ATXN1: variants seen among roughly 807,000 people sequenced by gnomAD.
ATXN1 encodes ataxin-1.
In ATXN1, 8 loss-of-function variants were observed where a neutral mutation model predicts 56.4. The observed-to-expected ratio is 0.14, with a 90% CI of 0.08 to 0.26. The LOEUF is 0.26. Among genes scored for constraint, ATXN1 ranks in the 10% least tolerant of loss-of-function variants. ATXN1 has a pLI of 1.00. For missense variants in ATXN1, 987 were observed against 1,106.5 expected (o/e 0.89, Z 1.53); for synonymous variants, 514 against 494.6 (o/e 1.04, Z -0.52).
At chr6:16,606,494 CGTTT>C (rs1213542813) in intron 3 of ATXN1, among the ~76,000 whole-genome samples, 5 of 148,880 alleles carry the variant, frequency 3.4e-5, no homozygotes, top group African/African-American at 1.2e-4. Flanking sequence ...TTTGTTTGTT[CGTTT>C]GTTTGTGGTT....
intron 2 of ATXN1, among the ~76,000 whole-genome samples, chr6:16,722,272 A>G (rs2113471211): frequency 6.6e-6 from 1 of 152,346 alleles, no homozygotes; most frequent in East Asian, 1.9e-4. Context: ...ATGACCTCCC[A>G]ATGCCAAGAA....
At chr6:16,571,302 C>T (rs1360220093) in intron 4 of ATXN1, among the ~76,000 whole-genome samples, 1 of 151,682 alleles carries the variant, frequency 6.6e-6, no homozygotes, top group Admixed American at 6.6e-5. Context: ...AAATATGTTC[C>T]CTATAAAAAA....
intron 6 of ATXN1, among the ~76,000 whole-genome samples, chr6:16,381,489 T>A (rs1404988789): frequency 6.6e-6 from 1 of 152,188 alleles, no homozygotes; most frequent in Non-Finnish European, 1.5e-5. Flanking sequence ...AGACACTCAA[T>A]GTCTGTTAAG....
intron 7 of ATXN1, among the ~76,000 whole-genome samples, chr6:16,318,428 A>G (rs948198903): frequency 2.0e-5 from 3 of 152,198 alleles, no homozygotes; most frequent in East Asian, 3.9e-4. Flanking sequence ...ACCTGTAGAG[A>G]AAGGCCGGTC....
chr6:16,564,696 G>C (rs1252915195), intron 4 of ATXN1, among the ~76,000 whole-genome samples: 3 of 152,184 alleles, frequency 2.0e-5, no homozygotes, highest in Non-Finnish European at 4.4e-5. Context: ...GTTGCCAGGA[G>C]CTGAGGGTAG....
At chr6:16,405,479 A>T (rs438258) in intron 6 of ATXN1, among the ~76,000 whole-genome samples, 47,786 of 152,144 alleles carry the variant, frequency 0.31, 7,835 homozygotes, top group East Asian at 0.49. Flanking sequence ...GATGGCAATG[A>T]TCTGTGCTAT....
At chr6:16,415,269 G>T (rs770971673) in intron 6 of ATXN1, among the ~76,000 whole-genome samples, 3 of 152,118 alleles carry the variant, frequency 2.0e-5, no homozygotes, top group African/African-American at 7.2e-5. Context: ...TCACTCTGTC[G>T]CCCAGACTGG....
intron 6 of ATXN1, among the ~76,000 whole-genome samples, chr6:16,363,304 G>T (rs1042156268): frequency 6.6e-6 from 1 of 152,222 alleles, no homozygotes; most frequent in African/African-American, 2.4e-5. Context: ...ATAGGTGCAT[G>T]CTAAGTATGT....
chr6:16,375,277 C>T (rs1762121342), intron 6 of ATXN1, among the ~76,000 whole-genome samples: 1 of 152,232 alleles, frequency 6.6e-6, no homozygotes, highest in Non-Finnish European at 1.5e-5. Flanking sequence ...TCACTGATTT[C>T]CATGACTAAG....
chr6:16,496,402 ATTCT>A (rs1298983653), intron 5 of ATXN1, among the ~76,000 whole-genome samples: 1 of 152,186 alleles, frequency 6.6e-6, no homozygotes, highest in African/African-American at 2.4e-5. Context: ...AAATACAATT[ATTCT>A]TTCTTTCTAT....
At chr6:16,700,478 C>G (rs934121343) in intron 2 of ATXN1, among the ~76,000 whole-genome samples, 1 of 152,064 alleles carries the variant, frequency 6.6e-6, no homozygotes, top group African/African-American at 2.4e-5. Context: ...AAGAGGAGAG[C>G]CAAGTTTAAT....
chr6:16,747,332 T>C (rs1307041674), intron 2 of ATXN1, among the ~76,000 whole-genome samples: 1 of 152,106 alleles, frequency 6.6e-6, no homozygotes, highest in African/African-American at 2.4e-5. Flanking sequence ...CAGTGGAGTT[T>C]CTGGAGCACA....
intron 2 of ATXN1, among the ~76,000 whole-genome samples, chr6:16,715,615 A>G (rs1340321146): frequency 6.6e-6 from 1 of 152,210 alleles, no homozygotes; most frequent in Non-Finnish European, 1.5e-5. Context: ...AGCCAGCTAC[A>G]TATATTTGGA....
chr6:16,362,338 A>C (rs1761826333), intron 6 of ATXN1, among the ~76,000 whole-genome samples: 1 of 152,150 alleles, frequency 6.6e-6, no homozygotes, highest in South Asian at 2.1e-4. Flanking sequence ...TAAGTGTTGG[A>C]GCTTCAGAGA....
rs1491275467 is a variant in ATXN1 at position 16,308,368 on chromosome 6, A to ACACG, written c.1918-1510_1918-1509insCGTG. 4.9e-4 allele frequency among the ~76,000 whole-genome samples: 68 copies of ACACG among 139,710 alleles called. 1 individual carries two copies. In the East Asian group the frequency reaches 8.6e-3, roughly 18 times the overall value. 91.7% of individuals were successfully genotyped at this position (139,710 alleles called of 152,430 possible). On this transcript the variant is annotated intron_variant, in intron 7 of 7. Transcript: ENST00000436367. ...CACACACACACACACACACACACACACTTCCTGGGTTGGATCAGGAAAAGA... is the reference window on the plus strand; with the variant it reads ...CACACACACACACACACACACACACACACGCTTCCTGGGTTGGATCAGGAAAAGA...
intron 5 of ATXN1, 115 bp from the exon 6 acceptor site, chr6:16,486,224 G>C (rs1160608956): frequency 6.6e-6 from 1 of 152,160 alleles, no homozygotes; most frequent in Non-Finnish European, 1.5e-5. Flanking sequence ...GTTCACCAAA[G>C]ACCATTTTCT....
intron 6 of ATXN1, among the ~76,000 whole-genome samples, chr6:16,460,408 G>A (rs372975008): frequency 7.2e-5 from 11 of 152,294 alleles, no homozygotes; most frequent in African/African-American, 2.6e-4. Context: ...GGGTAGTTGT[G>A]GCAGTGGCTA....
intron 2 of ATXN1, among the ~76,000 whole-genome samples, chr6:16,714,069 C>T: frequency 6.6e-6 from 1 of 151,866 alleles, no homozygotes; most frequent in Admixed American, 6.6e-5. Flanking sequence ...GGCAGAGAAT[C>T]ACTTGAACCC....
At chr6:16,514,063 A>G (rs1218922325) in intron 5 of ATXN1, among the ~76,000 whole-genome samples, 1 of 152,170 alleles carries the variant, frequency 6.6e-6, no homozygotes, top group Non-Finnish European at 1.5e-5. Context: ...ACACAGCCGT[A>G]GCGTCTCTCA....
Sources: gnomAD v4.1 joint callset for allele counts (sites outside exome capture counted in the v4.1 genomes callset) on GRCh38, gnomAD v4.1.1 for gene constraint, MANE v1.5 for transcripts, NCBI Gene and HGNC (gene_info 2026-07-23, HGNC 2026-07-21) for gene names.